The following SPINK8 variants were observed in gnomAD, a reference collection of about 807,000 sequenced individuals.
SPINK8 encodes serine protease inhibitor Kazal-type 8.
SPINK8 carries 12 observed loss-of-function variants against 14.4 expected under a neutral mutation model. The ratio of observed to expected loss-of-function variants is 0.83; its 90% CI spans 0.53 to 1.35. The LOEUF (loss-of-function observed/expected upper bound fraction) is 1.35, where lower values mean the gene tolerates loss of function less well. Ranked by LOEUF, SPINK8 falls within the 40% of genes most tolerant of loss-of-function variation. The probability of loss-of-function intolerance (pLI) is 0.00; values close to 1 mark genes in which losing one functional copy is unlikely to be tolerated. For missense variants in SPINK8, 103 were observed against 117.0 expected (o/e 0.88, Z 0.55); for synonymous variants, 32 against 37.6 (o/e 0.85, Z 0.55).
chr3:48,321,311 A>G (rs2107100569), intron 4 of SPINK8, among the ~76,000 whole-genome samples: 1 of 152,284 alleles, frequency 6.6e-6, no homozygotes, highest in South Asian at 2.1e-4. Flanking sequence ...CATAAGTAAC[A>G]ACTTCTGTAA....
intron 6 of SPINK8, among the ~76,000 whole-genome samples, chr3:48,311,038 C>G (rs1273702806): frequency 1.3e-5 from 2 of 151,616 alleles, no homozygotes; most frequent in African/African-American, 4.9e-5. Flanking sequence ...GATTATACAC[C>G]ATGACAAAAT....
chr3:48,315,734 A>AAAAAAAAAAAAAAAAAAAAAAAAC, intron 6 of SPINK8, among the ~76,000 whole-genome samples: 1 of 150,178 alleles, frequency 6.7e-6, no homozygotes, highest in Non-Finnish European at 1.5e-5. Flanking sequence ...AAAAAAAAAA[A>AAAAAAAAAAAAAAAAAAAAAAAAC]AAAAAAAAAA....
intron 4 of SPINK8, among the ~76,000 whole-genome samples, chr3:48,327,552 C>T (rs2036162822): frequency 6.6e-6 from 1 of 152,070 alleles, no homozygotes; most frequent in African/African-American, 2.4e-5. Flanking sequence ...ATGCCAATGG[C>T]TGATATGCTC....
chr3:48,333,491 G>A (rs767114448), intron 1 of SPINK8, among the ~76,000 whole-genome samples, 44 bp downstream of exon 1: 4 of 152,202 alleles, frequency 2.6e-5, no homozygotes, highest in African/African-American at 9.6e-5. Flanking sequence ...TTCAGGGTGC[G>A]TAACCACCCA....
intron 4 of SPINK8, 94 bp downstream of exon 4, chr3:48,328,181 A>G: frequency 1.0e-6 from 1 of 972,376 alleles, no homozygotes; most frequent in South Asian, 1.8e-5. Context: ...AGGATTAAAT[A>G]AAACTGAACA....
At chr3:48,318,562 G>T (rs2036025874) in intron 6 of SPINK8, among the ~76,000 whole-genome samples, 1 of 152,220 alleles carries the variant, frequency 6.6e-6, no homozygotes, top group Non-Finnish European at 1.5e-5. Flanking sequence ...CTTTCTGATT[G>T]TCAGGTGTCA....
At chr3:48,314,329 G>T (rs2035958448) in intron 6 of SPINK8, among the ~76,000 whole-genome samples, 1 of 150,220 alleles carries the variant, frequency 6.7e-6, no homozygotes, top group Admixed American at 6.6e-5. Flanking sequence ...CCAGAATTCT[G>T]GGAATTAAAA....
At chr3:48,318,183 C>T (rs1294210528) in intron 6 of SPINK8, among the ~76,000 whole-genome samples, 1 of 152,164 alleles carries the variant, frequency 6.6e-6, no homozygotes, top group Non-Finnish European at 1.5e-5. Flanking sequence ...CTTTATCTCC[C>T]AGGCTGGAGT....
At chr3:48,324,167 CA>C (rs1245768525) in intron 4 of SPINK8, among the ~76,000 whole-genome samples, 1 of 152,020 alleles carries the variant, frequency 6.6e-6, no homozygotes, top group East Asian at 1.9e-4. Context: ...TTTCTTTCAT[CA>C]ATGTTTTGTA....
At chr3:48,323,926 T>G (rs964140699) in intron 4 of SPINK8, among the ~76,000 whole-genome samples, 2 of 148,096 alleles carry the variant, frequency 1.4e-5, no homozygotes, top group Non-Finnish European at 3.0e-5. Context: ...GTGTGAGTAC[T>G]TCAACTTTTT....
chr3:48,320,987 C>G lies in SPINK8; in HGVS notation c.117+38G>C, dbSNP rs369325194. Reference sequence around the variant, plus strand: ...GCTTTTGGGCAAACTGGCTCTCTCCCCATTCCTGTTATTAGGAACCAAGGA... The same window carrying G: ...GCTTTTGGGCAAACTGGCTCTCTCCGCATTCCTGTTATTAGGAACCAAGGA... On this transcript the variant is annotated intron_variant, in intron 5 of 7. Coordinates refer to ENST00000434006, the MANE Select transcript of SPINK8 (RefSeq NM_001080525.3). 10 of 1,570,362 alleles carry G rather than the reference C, an allele frequency of 6.4e-6. No individual in the cohort carries two copies. The African/African-American group carries it at 9.4e-5, about 15-fold the overall frequency.
At chr3:48,314,088 TA>T (rs1455877682) in intron 6 of SPINK8, among the ~76,000 whole-genome samples, 1 of 152,202 alleles carries the variant, frequency 6.6e-6, no homozygotes, top group East Asian at 1.9e-4. Context: ...TTGTTCACTT[TA>T]AAATGGTTCA....
At chr3:48,313,993 G>A (rs2035955115) in intron 6 of SPINK8, among the ~76,000 whole-genome samples, 2 of 152,132 alleles carry the variant, frequency 1.3e-5, no homozygotes, top group African/African-American at 4.8e-5. Flanking sequence ...TGGACATGAG[G>A]TTTTATTCTG....
intron 4 of SPINK8, among the ~76,000 whole-genome samples, chr3:48,321,301 CA>C (rs922575222): frequency 1.4e-4 from 22 of 152,150 alleles, no homozygotes; most frequent in Non-Finnish European, 3.2e-4. Context: ...CCTTCCATTT[CA>C]TAAGTAACAA....
intron 4 of SPINK8, among the ~76,000 whole-genome samples, chr3:48,326,138 G>C (rs2036138279): frequency 6.6e-6 from 1 of 152,084 alleles, no homozygotes; most frequent in Non-Finnish European, 1.5e-5. Context: ...GTGTCCTTCT[G>C]AGGGAGATAT....
intron 5 of SPINK8, 141 bp downstream of exon 5, chr3:48,320,884 T>A: frequency 1.3e-6 from 1 of 752,744 alleles, no homozygotes; most frequent in Non-Finnish European, 2.1e-6. Context: ...TACACATACT[T>A]GGTGACTCAG....
At chr3:48,331,112 A>G (rs2036254817) in intron 2 of SPINK8, among the ~76,000 whole-genome samples, 1 of 152,194 alleles carries the variant, frequency 6.6e-6, no homozygotes, top group South Asian at 2.1e-4. Flanking sequence ...TGGAAGAGAC[A>G]AACTTAACAA....
At chr3:48,327,182 G>A (rs2036157884) in intron 4 of SPINK8, among the ~76,000 whole-genome samples, 1 of 152,232 alleles carries the variant, frequency 6.6e-6, no homozygotes, top group Non-Finnish European at 1.5e-5. Context: ...TATTGTAGCA[G>A]TGGTACATGG....
At chr3:48,309,633 G>A (rs897695498) in intron 7 of SPINK8, among the ~76,000 whole-genome samples, 1 of 152,220 alleles carries the variant, frequency 6.6e-6, no homozygotes, top group Non-Finnish European at 1.5e-5. Flanking sequence ...GAACTCTGAA[G>A]TATGTAGGAG....
Sources: gnomAD v4.1 joint callset for allele counts (sites outside exome capture counted in the v4.1 genomes callset) on GRCh38, gnomAD v4.1.1 for gene constraint, MANE v1.5 for transcripts, NCBI Gene and HGNC (gene_info 2026-07-23, HGNC 2026-07-21) for gene names.